ANO3: variants seen among roughly 807,000 people sequenced by gnomAD.
ANO3 encodes the protein anoctamin 3.
Under a neutral mutation model 144.8 loss-of-function variants are expected in ANO3, and 99 were observed. The observed-to-expected ratio is 0.68, with a 90% CI of 0.58 to 0.81. ANO3 has a LOEUF of 0.81. ANO3 is among the 30% of genes least tolerant of loss of function. The pLI, the probability that ANO3 is intolerant of heterozygous loss-of-function variation, is 0.00. For synonymous variants in ANO3, 414 were observed against 392.6 expected (o/e 1.05, Z -0.64); for missense variants, 905 against 1,202.2 (o/e 0.75, Z 3.66).
chr11:26,225,036 A>G (rs1249691196), intron 1 of ANO3, among the ~76,000 whole-genome samples: 1 of 152,176 alleles, frequency 6.6e-6, no homozygotes, highest in Admixed American at 6.5e-5. Flanking sequence ...CATTTATTAA[A>G]TGTTCACTAC....
intron 1 of ANO3, among the ~76,000 whole-genome samples, chr11:26,363,055 C>T (rs910107551): frequency 7.9e-5 from 12 of 152,126 alleles, no homozygotes; most frequent in African/African-American, 2.9e-4. Flanking sequence ...AGTAGAAAAC[C>T]TCAGTTGGTT....
At chr11:26,284,228 G>A (rs1324784868) in intron 1 of ANO3, among the ~76,000 whole-genome samples, 1 of 152,174 alleles carries the variant, frequency 6.6e-6, no homozygotes, top group Non-Finnish European at 1.5e-5. Flanking sequence ...GGAAGCAGAG[G>A]GCAGCTTGGA....
chr11:26,541,811 G>A (rs910714104), intron 10 of ANO3, 136 bp from the exon 11 acceptor site: 11 of 691,748 alleles, frequency 1.6e-5, no homozygotes, highest in African/African-American at 1.5e-4. Context: ...CATCATTCCA[G>A]CGATGGGCTT....
intron 14 of ANO3, among the ~76,000 whole-genome samples, chr11:26,583,694 A>G (rs567758370): frequency 4.1e-4 from 62 of 152,326 alleles, no homozygotes; most frequent in African/African-American, 1.4e-3. Context: ...CCTGTTTAGC[A>G]AGGTTTCTGT....
At chr11:26,407,369 C>G (rs1178059636) in intron 1 of ANO3, among the ~76,000 whole-genome samples, 1 of 151,608 alleles carries the variant, frequency 6.6e-6, no homozygotes, top group African/African-American at 2.4e-5. Context: ...CCACTTGGAA[C>G]AAATGGGTGC....
At chr11:26,637,813 A>G (rs889001288) in intron 20 of ANO3, among the ~76,000 whole-genome samples, 4 of 152,114 alleles carry the variant, frequency 2.6e-5, no homozygotes, top group African/African-American at 9.7e-5. Flanking sequence ...ACTAGTACCA[A>G]TTTGATAGAA....
At chr11:26,300,260 G>C (rs1854195392) in intron 1 of ANO3, among the ~76,000 whole-genome samples, 1 of 151,450 alleles carries the variant, frequency 6.6e-6, no homozygotes, top group African/African-American at 2.4e-5. Flanking sequence ...ACACCAAACA[G>C]ACACACACAC....
At chr11:26,657,792 G>A (rs939465425) in intron 26 of ANO3, among the ~76,000 whole-genome samples, 3 of 152,054 alleles carry the variant, frequency 2.0e-5, no homozygotes, top group African/African-American at 4.8e-5. Context: ...GATATATAGA[G>A]AGCTAGCCAT....
At chr11:26,554,527 A>G (rs143539593) in intron 13 of ANO3, among the ~76,000 whole-genome samples, 88 of 152,240 alleles carry the variant, frequency 5.8e-4, no homozygotes, top group African/African-American at 2.0e-3. Flanking sequence ...CCATGTGTTT[A>G]TATCTTTTAC....
chr11:26,194,657 C>T (rs984505451), intron 1 of ANO3, among the ~76,000 whole-genome samples: 2 of 151,874 alleles, frequency 1.3e-5, no homozygotes, highest in East Asian at 1.9e-4. Context: ...TGGGCCACTA[C>T]GCTGGGCTAA....
At chr11:26,278,247 A>C (rs758111577) in intron 1 of ANO3, among the ~76,000 whole-genome samples, 2 of 152,126 alleles carry the variant, frequency 1.3e-5, no homozygotes, top group African/African-American at 2.4e-5. Context: ...AACAACATGA[A>C]GACCCTTGCT....
At chr11:26,259,808 G>C (rs1366182606) in intron 1 of ANO3, among the ~76,000 whole-genome samples, 2 of 152,098 alleles carry the variant, frequency 1.3e-5, no homozygotes, top group East Asian at 1.9e-4. Flanking sequence ...GAGTTGCCAA[G>C]GGAAACATAA....
At chr11:26,343,861 A>G (rs1435749424) in intron 1 of ANO3, among the ~76,000 whole-genome samples, 1 of 152,178 alleles carries the variant, frequency 6.6e-6, no homozygotes, top group East Asian at 1.9e-4. Context: ...AAACAATAAG[A>G]TGTTTACAAA....
chr11:26,555,012 G>A (rs1850044488), intron 13 of ANO3, among the ~76,000 whole-genome samples: 2 of 152,078 alleles, frequency 1.3e-5, no homozygotes, highest in East Asian at 1.9e-4. Context: ...GACAAGGCTG[G>A]GTGCAAAATC....
chr11:26,269,312 C>T (rs982555227), intron 1 of ANO3, among the ~76,000 whole-genome samples: 1 of 152,172 alleles, frequency 6.6e-6, no homozygotes, highest in African/African-American at 2.4e-5. Flanking sequence ...GCCAAAGTCT[C>T]CTTATTGGAG....
rs566703138 is a variant in ANO3 at position 26,380,761 on chromosome 11, A to G, written c.46+48440A>G. On this transcript the variant is annotated intron_variant, in intron 1 of 26. Transcript: ENST00000256737. ...CTTTGGGAGGCTGAAGCGGGTGGATAACCTGAGGTCAGGAGTTTAAGACCA... is the reference window on the plus strand; with the variant it reads ...CTTTGGGAGGCTGAAGCGGGTGGATGACCTGAGGTCAGGAGTTTAAGACCA... 1.2e-4 allele frequency among the ~76,000 whole-genome samples: 19 copies of G among 152,218 alleles called. No homozygotes were observed. The South Asian group carries it at 3.5e-3, about 28-fold the overall frequency.
chr11:26,411,329 G>T (rs1857425728), intron 1 of ANO3, among the ~76,000 whole-genome samples: 1 of 151,904 alleles, frequency 6.6e-6, no homozygotes, highest in Non-Finnish European at 1.5e-5. Flanking sequence ...TAACAAAATT[G>T]TTAAGAATAA....
intron 14 of ANO3, among the ~76,000 whole-genome samples, chr11:26,590,150 C>G (rs1376319682): frequency 6.6e-6 from 1 of 152,122 alleles, no homozygotes; most frequent in South Asian, 2.1e-4. Context: ...AACAAACAAA[C>G]AAACCCAGAT....
chr11:26,659,276 T>G (rs1468027320), intron 26 of ANO3, among the ~76,000 whole-genome samples: 1 of 152,098 alleles, frequency 6.6e-6, no homozygotes, highest in African/African-American at 2.4e-5. Context: ...TTAAAACAGC[T>G]AATAAGCATA....
Sources: gnomAD v4.1 joint callset for allele counts (sites outside exome capture counted in the v4.1 genomes callset) on GRCh38, gnomAD v4.1.1 for gene constraint, MANE v1.5 for transcripts, NCBI Gene and HGNC (gene_info 2026-07-23, HGNC 2026-07-21) for gene names.